MBNL3: variants seen among roughly 807,000 people sequenced by gnomAD.
The protein encoded by MBNL3 is muscleblind like splicing regulator 3, also known as muscleblind-like protein 3.
A neutral mutation model predicts 24.5 loss-of-function variants in MBNL3; 6 were observed. That is an observed-to-expected ratio of 0.25 (90% CI 0.13 to 0.48). The LOEUF (loss-of-function observed/expected upper bound fraction) is 0.48. Among genes scored for constraint, MBNL3 ranks in the 20% least tolerant of loss-of-function variants. MBNL3 has a pLI of 0.99. For synonymous variants in MBNL3, 100 were observed against 101.7 expected (o/e 0.98, Z 0.10); for missense variants, 230 against 293.5 (o/e 0.78, Z 1.58).
rs752141285 is a variant in MBNL3 at position 132,390,852 on chromosome X, C to A, written c.766G>T (p.Ala256Ser). 2 of 1,204,502 alleles carry A rather than the reference C, an allele frequency of 1.7e-6. No individual in the cohort carries two copies. Among genetic ancestry groups the A allele is most frequent in the African/African-American group, 1.8e-5 (1 of 56,978 alleles). Residue 256 changes from alanine to serine, a missense_variant, in exon 5 of 9, where the codon GCC (alanine) becomes TCC (serine). Ala to Ser is a moderately conservative substitution (Grantham distance 99, BLOSUM62 1). Coordinates refer to ENST00000370853, the MANE Select transcript of MBNL3 (RefSeq NM_001386889.1). ...HHQMNHSAAS[A>S]MALQPGTLQL... ...AAGTGCAGGCCTTTTCTTACCATGG[C>A]AGAGGCAGCTGAATGGTTCATCTGA...
Position 132,370,315 on chromosome X carries a change from G to C in MBNL3, c.*9351C>G. On this transcript the variant is annotated 3_prime_UTR_variant, in exon 9 of 9. Transcript: ENST00000370853. ...TGCCCTCTACAGATGATGACCATGG[G>C]AATGGATTCTGGTCAGTGGAATTTT... 1 of 111,916 alleles carries C rather than the reference G, an allele frequency of 8.9e-6. No homozygotes were observed. Among genetic ancestry groups the C allele is most frequent in the Non-Finnish European group, 1.9e-5 (1 of 53,165 alleles). The allele number at this position is 111,916 out of a possible 1,213,427, so 9.2% of individuals were successfully genotyped here.
intron 3 of MBNL3, among the ~76,000 whole-genome samples, chrX:132,403,158 G>T (rs1175525102): frequency 1.8e-5 from 2 of 111,453 alleles, no homozygotes; most frequent in East Asian, 5.6e-4. Context: ...AATAATATCA[G>T]GATCCACAAT....
In MBNL3 at chrX:132,373,132, A is replaced by AC. The variant is rs1210788995; in HGVS notation, c.*6533dup. The AC allele has an allele frequency of 9.1e-6, 1 of 110,300 alleles. No homozygotes were observed. Among genetic ancestry groups the AC allele is most frequent in the Non-Finnish European group, 1.9e-5 (1 of 52,675 alleles). 9.1% of individuals were successfully genotyped at this position (110,300 alleles called of 1,213,427 possible). A position where few individuals can be genotyped will look rare whatever the true frequency, so the allele number is the denominator to read the frequency against. ...CTCTATGTTGAAACTCCAGAGTATG[A>AC]CCCCGTGGCTGTCAGCATGCACACC... On this transcript the variant is annotated 3_prime_UTR_variant, in exon 9 of 9. Coordinates refer to ENST00000370853, the MANE Select transcript of MBNL3 (RefSeq NM_001386889.1).
intron 1 of MBNL3, among the ~76,000 whole-genome samples, chrX:132,486,237 A>T (rs1948001484): frequency 9.0e-6 from 1 of 111,714 alleles, no homozygotes; most frequent in Admixed American, 9.4e-5. Flanking sequence ...AATCTTCATC[A>T]TTTTAGAGCT....
At chrX:132,422,349 G>A (rs184789386) in intron 2 of MBNL3, among the ~76,000 whole-genome samples, 1 of 111,800 alleles carries the variant, frequency 8.9e-6, no homozygotes, top group African/African-American at 3.3e-5. Flanking sequence ...ACACCAGCAT[G>A]ATTCTTGCCC....
intron 5 of MBNL3, among the ~76,000 whole-genome samples, chrX:132,389,722 T>C (rs1340135173): frequency 9.0e-6 from 1 of 111,031 alleles, no homozygotes; most frequent in African/African-American, 3.3e-5. Context: ...AAGAAAGACA[T>C]AGCAAGCAGC....
chrX:132,392,121 T>TTA, intron 4 of MBNL3, 22 bp downstream of exon 4: 1 of 1,141,511 alleles, frequency 8.8e-7, no homozygotes. Flanking sequence ...CTACAGGTAT[T>TTA]TATATATATG....
intron 2 of MBNL3, among the ~76,000 whole-genome samples, chrX:132,408,144 T>C (rs1203211357): frequency 1.4e-5 from 1 of 69,299 alleles, no homozygotes; most frequent in Non-Finnish European, 2.6e-5. Flanking sequence ...TTTTTTTTTT[T>C]TACCAATTGC....
At chrX:132,441,873 C>T (rs1439815196) in intron 1 of MBNL3, among the ~76,000 whole-genome samples, 1 of 111,968 alleles carries the variant, frequency 8.9e-6, no homozygotes, top group Non-Finnish European at 1.9e-5. Flanking sequence ...AATGGATAAA[C>T]AAAATGTGGT....
intron 3 of MBNL3, among the ~76,000 whole-genome samples, chrX:132,395,538 T>C (rs1479763855): frequency 9.0e-6 from 1 of 111,462 alleles, no homozygotes; most frequent in Non-Finnish European, 1.9e-5. Context: ...TTCTGAGTGT[T>C]GTCAACCAGC....
At chrX:132,463,561 CATT>C (rs1047061535) in intron 1 of MBNL3, among the ~76,000 whole-genome samples, 1 of 112,116 alleles carries the variant, frequency 8.9e-6, no homozygotes, top group African/African-American at 3.2e-5. Flanking sequence ...AACCTATTCT[CATT>C]GTTATCCACA....
chrX:132,407,449 T>G (rs983331964), intron 2 of MBNL3, among the ~76,000 whole-genome samples: 13 of 112,551 alleles, frequency 1.2e-4, no homozygotes, highest in Non-Finnish European at 2.4e-4. Context: ...TTGCTCAATT[T>G]ACATTTAATT....
At position 132,370,278 on chromosome X, in the gene MBNL3, G is replaced by C. The variant is rs1176984379; in HGVS notation, c.*9388C>G. 8.9e-6 allele frequency: 1 copy of C among 112,141 alleles called. No homozygotes were observed. Among genetic ancestry groups the C allele is most frequent in the East Asian group, 2.8e-4 (1 of 3,587 alleles). 9.2% of individuals were successfully genotyped at this position (112,141 alleles called of 1,213,427 possible). ...AGAATTATAATCATACCTCAGGCCT[G>C]TCATTGTATCATGCCCTCTACAGAT... On this transcript the variant is annotated 3_prime_UTR_variant, in exon 9 of 9. Transcript: ENST00000370853.
intron 1 of MBNL3, among the ~76,000 whole-genome samples, chrX:132,488,490 T>G (rs1461209520): frequency 8.9e-6 from 1 of 111,939 alleles, no homozygotes; most frequent in Non-Finnish European, 1.9e-5. Context: ...GACAAGGTTC[T>G]GCAAGGAAGC....
rs1285274629 is a variant in MBNL3, at chrX:132,374,523, G to C, written c.*5143C>G. ...AACATTATGCTTTAGTTAAGTCTTAGAGCAAAAACACCCTCCTTTTCAAAG... is the reference window on the plus strand; with the variant it reads ...AACATTATGCTTTAGTTAAGTCTTACAGCAAAAACACCCTCCTTTTCAAAG... On this transcript the variant is annotated 3_prime_UTR_variant, in exon 9 of 9. Transcript: ENST00000370853. The C allele has an allele frequency of 9.0e-6, 1 of 111,127 alleles. No individual in the cohort carries two copies. The highest frequency in any genetic ancestry group is 2.8e-4 in the East Asian group (1 of 3,541). The allele number at this position is 111,127 out of a possible 1,213,427, so 9.2% of individuals were successfully genotyped here. A position where few individuals can be genotyped will look rare whatever the true frequency, so the allele number is the denominator to read the frequency against.
intron 1 of MBNL3, among the ~76,000 whole-genome samples, chrX:132,452,883 A>C (rs1043735832): frequency 2.7e-5 from 3 of 112,541 alleles, no homozygotes; most frequent in African/African-American, 6.5e-5. Context: ...AAAATTTGGT[A>C]ACATTAACAA....
chrX:132,442,917 G>A (rs779118791), intron 1 of MBNL3, among the ~76,000 whole-genome samples: 1 of 111,914 alleles, frequency 8.9e-6, no homozygotes, highest in South Asian at 3.7e-4. Context: ...GCGCAAAGAT[G>A]GGGAGAAGTT....
chrX:132,426,036 A>G (rs769273674), intron 2 of MBNL3, among the ~76,000 whole-genome samples: 1 of 112,002 alleles, frequency 8.9e-6, no homozygotes, highest in African/African-American at 3.2e-5. Context: ...ATATTTGAGT[A>G]AAAACTGAAC....
At chrX:132,389,256 A>G (rs765282040) in intron 5 of MBNL3, among the ~76,000 whole-genome samples, 1 of 112,286 alleles carries the variant, frequency 8.9e-6, no homozygotes, top group South Asian at 3.8e-4. Context: ...TGGTGCTCAG[A>G]TCCTTCACGA....
Sources: allele counts gnomAD v4.1 joint callset (sites outside exome capture counted in the v4.1 genomes callset), GRCh38; gene constraint gnomAD v4.1.1; transcripts MANE v1.5; gene names NCBI Gene and HGNC (gene_info 2026-07-23, HGNC 2026-07-21).